Variants in GPR176 observed in about 807,000 individuals in gnomAD.
GPR176 encodes G-protein coupled receptor 176.
Under a neutral mutation model 35.4 loss-of-function variants are expected in GPR176, and 26 were observed. That is an observed-to-expected ratio of 0.74 (90% CI 0.54 to 1.02). GPR176 has a LOEUF of 1.02. GPR176 is among the 50% of genes least tolerant of loss of function. The pLI is 0.00. For missense variants in GPR176, 597 were observed against 665.3 expected, an observed-to-expected ratio of 0.90 and a Z score of 1.13; for synonymous variants, 278 against 271.3, an observed-to-expected ratio of 1.02 and a Z score of -0.24.
chr15:39,853,444 A>G (rs1211276979), intron 1 of GPR176, among the ~76,000 whole-genome samples: 1 of 152,206 alleles, frequency 6.6e-6, no homozygotes, highest in African/African-American at 2.4e-5. Context: ...ATGGATGTAG[A>G]GTTGCAGTTT....
intron 1 of GPR176, among the ~76,000 whole-genome samples, chr15:39,824,036 T>G (rs1054325794): frequency 1.3e-5 from 2 of 152,220 alleles, no homozygotes; most frequent in Admixed American, 6.5e-5. Context: ...GGATCCCTTA[T>G]GAATGGCCCG....
At chr15:39,882,872 A>G (rs1212244032) in intron 1 of GPR176, among the ~76,000 whole-genome samples, 2 of 152,216 alleles carry the variant, frequency 1.3e-5, no homozygotes, top group Non-Finnish European at 2.9e-5. Context: ...ATGAGACTGG[A>G]ACATTCCTGT....
At chr15:39,883,375 C>CT (rs1312738979) in intron 1 of GPR176, among the ~76,000 whole-genome samples, 1 of 151,758 alleles carries the variant, frequency 6.6e-6, no homozygotes, top group East Asian at 1.9e-4. Flanking sequence ...TTCAAGCATG[C>CT]TTTTTAAAAA....
intron 1 of GPR176, among the ~76,000 whole-genome samples, chr15:39,815,968 G>A (rs1899872020): frequency 6.6e-6 from 1 of 152,174 alleles, no homozygotes; most frequent in African/African-American, 2.4e-5. Context: ...GCAGCCTTAA[G>A]AAAAGGAGGA....
intron 1 of GPR176, among the ~76,000 whole-genome samples, chr15:39,881,494 C>T (rs56023250): frequency 0.18 from 27,107 of 152,150 alleles, 2,570 homozygotes; most frequent in Non-Finnish European, 0.21. Flanking sequence ...GTTTTATTCC[C>T]ATACACCTTA....
chr15:39,803,025 G>A (rs71472411), intron 2 of GPR176, among the ~76,000 whole-genome samples: 305 of 152,276 alleles, frequency 2.0e-3, no homozygotes, highest in South Asian at 7.1e-3. Context: ...CACCTAAACA[G>A]AATTCCAAAA....
intron 1 of GPR176, among the ~76,000 whole-genome samples, chr15:39,863,197 G>C (rs1202551825): frequency 6.6e-6 from 1 of 151,808 alleles, no homozygotes; most frequent in Non-Finnish European, 1.5e-5. Flanking sequence ...TCCTGCCTCA[G>C]CCTCTGGAGT....
intron 1 of GPR176, among the ~76,000 whole-genome samples, chr15:39,850,208 C>G (rs1429792098): frequency 2.0e-5 from 3 of 152,028 alleles, no homozygotes; most frequent in African/African-American, 7.2e-5. Context: ...TTGGGCTACA[C>G]TAAATTTATT....
intron 1 of GPR176, chr15:39,813,263 T>C (rs1178622727): frequency 1.3e-5 from 2 of 152,256 alleles, no homozygotes; most frequent in African/African-American, 4.8e-5. Flanking sequence ...TCTTTATTTC[T>C]TTGTGTAGAC....
chr15:39,894,007 G>T (rs1360499119), intron 1 of GPR176, among the ~76,000 whole-genome samples: 7 of 55,532 alleles, frequency 1.3e-4, no homozygotes, highest in Admixed American at 3.2e-4. Context: ...CTGGCAGAGG[G>T]GCTCCTCACT....
chr15:39,815,658 A>G (rs1899852689), intron 1 of GPR176, among the ~76,000 whole-genome samples: 1 of 152,232 alleles, frequency 6.6e-6, no homozygotes, highest in Non-Finnish European at 1.5e-5. Context: ...TGCTTATAGA[A>G]TCTATCAAGT....
intron 1 of GPR176, among the ~76,000 whole-genome samples, chr15:39,887,977 G>C (rs536234410): frequency 6.6e-6 from 1 of 151,562 alleles, no homozygotes; most frequent in East Asian, 1.9e-4. Flanking sequence ...GGGCACCAGA[G>C]GAATGAATCT....
At chr15:39,842,834 A>G (rs184263832) in intron 1 of GPR176, among the ~76,000 whole-genome samples, 3 of 152,196 alleles carry the variant, frequency 2.0e-5, no homozygotes, top group Admixed American at 2.0e-4. Context: ...TAGGCCCACC[A>G]AAAGTCTGTA....
intron 1 of GPR176, among the ~76,000 whole-genome samples, chr15:39,828,323 T>C (rs988031477): frequency 2.6e-5 from 4 of 152,158 alleles, no homozygotes; most frequent in Admixed American, 2.0e-4. Context: ...CTGACTGACA[T>C]GCATCTCGTT....
At chr15:39,850,188 C>T (rs769515124) in intron 1 of GPR176, among the ~76,000 whole-genome samples, 7 of 152,060 alleles carry the variant, frequency 4.6e-5, no homozygotes, top group Non-Finnish European at 7.4e-5. Context: ...ACTTTACAAA[C>T]ATTATATACT....
chr15:39,801,460 C>A lies in GPR176; in HGVS notation c.1220G>T (p.Ser407Ile). The change falls in exon 3 of 3, where the codon AGC (serine) becomes ATC (isoleucine). Residue 407 changes from serine (S) to isoleucine (I), a missense_variant. Physicochemically the swap from Ser to Ile is moderately radical, Grantham distance 142. Transcript: ENST00000561100. ...SADFQAKEIF[S>I]TCLEGEQGPQ... ...CCCCTGCTCTCCCTCCAGGCAGGTGCTAAATATCTCCTTGGCCTGGAAGTC... is the reference window on the plus strand; with the variant it reads ...CCCCTGCTCTCCCTCCAGGCAGGTGATAAATATCTCCTTGGCCTGGAAGTC... The A allele has an allele frequency of 6.2e-7, 1 of 1,614,120 alleles. No homozygotes were observed. Among genetic ancestry groups the A allele is most frequent in the South Asian group, 1.1e-5 (1 of 91,088 alleles).
At chr15:39,844,543 C>T (rs1462683520) in intron 1 of GPR176, among the ~76,000 whole-genome samples, 2 of 151,780 alleles carry the variant, frequency 1.3e-5, no homozygotes, top group East Asian at 1.9e-4. Context: ...CAATCTGTTC[C>T]GAGGACCTAA....
At chr15:39,824,778 G>GAA (rs1900511959) in intron 1 of GPR176, among the ~76,000 whole-genome samples, 1 of 152,162 alleles carries the variant, frequency 6.6e-6, no homozygotes, top group Non-Finnish European at 1.5e-5. Flanking sequence ...AGTTTGAGGG[G>GAA]AACCCAGAAA....
At chr15:39,873,362 G>A (rs1456558388) in intron 1 of GPR176, among the ~76,000 whole-genome samples, 1 of 152,144 alleles carries the variant, frequency 6.6e-6, no homozygotes, top group Non-Finnish European at 1.5e-5. Flanking sequence ...GCAGTGGCAA[G>A]TGATAATGGG....
Sources: gnomAD v4.1 joint callset for allele counts (sites outside exome capture counted in the v4.1 genomes callset) on GRCh38, gnomAD v4.1.1 for gene constraint, MANE v1.5 for transcripts, NCBI Gene and HGNC (gene_info 2026-07-23, HGNC 2026-07-21) for gene names.